The following CYSLTR2 variants were observed in gnomAD, a reference collection of about 807,000 sequenced individuals.
The protein encoded by CYSLTR2 is G-protein coupled receptor GPCR21.
For synonymous variants in CYSLTR2, 179 were observed against 160.8 expected (o/e 1.11, Z -0.86); for missense variants, 398 against 411.9 (o/e 0.97, Z 0.29).
intron 1 of CYSLTR2, among the ~76,000 whole-genome samples, chr13:48,675,756 G>C (rs1316666699): frequency 1.3e-5 from 2 of 152,088 alleles, no homozygotes; most frequent in Admixed American, 1.3e-4. Context: ...TTTTGTGGTT[G>C]AAACCCAGGG....
At chr13:48,696,383 C>A (rs1228787289) in intron 3 of CYSLTR2, 143 bp from the exon 4 acceptor site, 1 of 152,162 alleles carries the variant, frequency 6.6e-6, no homozygotes, top group Non-Finnish European at 1.5e-5. Context: ...TTTTGTGGAG[C>A]AAAAATTTAT....
chr13:48,695,391 T>TTC (rs144547434), intron 3 of CYSLTR2, among the ~76,000 whole-genome samples: 6 of 138,818 alleles, frequency 4.3e-5, no homozygotes, highest in African/African-American at 8.4e-5. Context: ...CTTTCTTTCT[T>TTC]TCTCTCTCTC....
chr13:48,676,809 T>G (rs1953608833), intron 1 of CYSLTR2, among the ~76,000 whole-genome samples: 1 of 152,198 alleles, frequency 6.6e-6, no homozygotes, highest in Non-Finnish European at 1.5e-5. Flanking sequence ...TCTTTATTTG[T>G]AAAATAGAGA....
intron 4 of CYSLTR2, among the ~76,000 whole-genome samples, chr13:48,697,031 C>A (rs1312146447): frequency 6.6e-6 from 1 of 152,202 alleles, no homozygotes; most frequent in East Asian, 1.9e-4. Flanking sequence ...CTGGGTGGAG[C>A]CCACCACAGC....
chr13:48,695,622 G>A (rs1341284222), intron 3 of CYSLTR2, among the ~76,000 whole-genome samples: 1 of 152,056 alleles, frequency 6.6e-6, no homozygotes, highest in Non-Finnish European at 1.5e-5. Flanking sequence ...ACAAATCTGT[G>A]TTCTCCATTT....
intron 4 of CYSLTR2, among the ~76,000 whole-genome samples, chr13:48,703,984 C>A (rs993322433): frequency 6.6e-6 from 1 of 152,086 alleles, no homozygotes; most frequent in African/African-American, 2.4e-5. Flanking sequence ...TAGTCTAGTT[C>A]CTCTAAGTTG....
intron 1 of CYSLTR2, among the ~76,000 whole-genome samples, chr13:48,661,315 C>T (rs1566079903): frequency 6.6e-6 from 1 of 152,070 alleles, no homozygotes; most frequent in Non-Finnish European, 1.5e-5. Context: ...TTCCCATGGT[C>T]ATAGAGGTAG....
intron 1 of CYSLTR2, among the ~76,000 whole-genome samples, chr13:48,666,667 G>T (rs1953269904): frequency 6.6e-6 from 1 of 151,484 alleles, no homozygotes; most frequent in African/African-American, 2.4e-5. Context: ...CTTTCTTCTT[G>T]GCCAGTCTGT....
chr13:48,688,598 T>C (rs1953956933), intron 1 of CYSLTR2, among the ~76,000 whole-genome samples: 1 of 152,260 alleles, frequency 6.6e-6, no homozygotes, highest in African/African-American at 2.4e-5. Context: ...CATCCTTTCT[T>C]ATGGCTGCAT....
intron 1 of CYSLTR2, among the ~76,000 whole-genome samples, chr13:48,657,636 C>A (rs777887742): frequency 3.3e-5 from 5 of 151,678 alleles, no homozygotes; most frequent in Non-Finnish European, 7.4e-5. Context: ...TTATTACCTA[C>A]ATTGTACATT....
chr13:48,705,335 A>G (rs147242036), intron 4 of CYSLTR2, among the ~76,000 whole-genome samples: 154 of 152,292 alleles, frequency 1.0e-3, no homozygotes, highest in African/African-American at 3.5e-3. Flanking sequence ...TAGGCGGTAC[A>G]TAATTCGGTC....
chr13:48,661,751 T>A (rs965374209), intron 1 of CYSLTR2, among the ~76,000 whole-genome samples: 3 of 152,200 alleles, frequency 2.0e-5, no homozygotes, highest in African/African-American at 7.2e-5. Flanking sequence ...AATTGCATAT[T>A]CATGGGGTAT....
intron 1 of CYSLTR2, among the ~76,000 whole-genome samples, chr13:48,664,617 T>C (rs984810790): frequency 3.3e-5 from 5 of 151,938 alleles, no homozygotes; most frequent in African/African-American, 1.2e-4. Context: ...CATATAATTG[T>C]TCATGGTAGT....
At chr13:48,662,684 A>G (rs1575465) in intron 1 of CYSLTR2, among the ~76,000 whole-genome samples, 89,202 of 151,938 alleles carry the variant, frequency 0.59, 28,312 homozygotes, top group African/African-American at 0.85. Context: ...TAAATCATTT[A>G]CCCATTTTAA....
At position 48,710,688 on chromosome 13, in the gene CYSLTR2, A is replaced by C. The variant is rs1954611915; in HGVS notation, c.*2830A>C. ...TTTGCTGTTGCACCACAAGCTGCAA[A>C]AATTATTTATTACACCCCACGGTGT... On this transcript the variant is annotated 3_prime_UTR_variant, in exon 5 of 5. Coordinates refer to ENST00000682523, the MANE Select transcript of CYSLTR2 (RefSeq NM_001308476.3). 6.6e-6 allele frequency: 1 copy of C among 152,212 alleles called. No individual in the cohort carries two copies. Among genetic ancestry groups the C allele is most frequent in the African/African-American group, 2.4e-5 (1 of 41,464 alleles). The allele number at this position is 152,212 out of a possible 1,614,324, so 9.4% of individuals were successfully genotyped here.
intron 1 of CYSLTR2, among the ~76,000 whole-genome samples, chr13:48,679,121 C>T (rs1953679487): frequency 1.3e-5 from 2 of 152,132 alleles, no homozygotes; most frequent in African/African-American, 2.4e-5. Context: ...TACTATATTA[C>T]TTACACTTCC....
intron 1 of CYSLTR2, among the ~76,000 whole-genome samples, chr13:48,672,315 T>C (rs1484007600): frequency 2.0e-5 from 3 of 152,158 alleles, no homozygotes; most frequent in Non-Finnish European, 4.4e-5. Flanking sequence ...TCTTGTCTTC[T>C]GCTGGCTTTT....
chr13:48,659,286 A>G (rs963251937), intron 1 of CYSLTR2, among the ~76,000 whole-genome samples: 2 of 152,200 alleles, frequency 1.3e-5, no homozygotes, highest in African/African-American at 4.8e-5. Flanking sequence ...GTGTAGCTGC[A>G]TCCCTGGCTG....
chr13:48,656,398 T>C (rs1021823991), intron 1 of CYSLTR2, among the ~76,000 whole-genome samples: 1 of 152,220 alleles, frequency 6.6e-6, no homozygotes, highest in Admixed American at 6.5e-5. Context: ...AGTTAATCAC[T>C]TAACATCCAT....
Sources: allele counts gnomAD v4.1 joint callset (sites outside exome capture counted in the v4.1 genomes callset), GRCh38; gene constraint gnomAD v4.1.1; transcripts MANE v1.5; gene names NCBI Gene and HGNC (gene_info 2026-07-23, HGNC 2026-07-21).